The following MTRR variants were observed in gnomAD, a reference collection of about 807,000 sequenced individuals.
MTRR encodes 5-methyltetrahydrofolate-homocysteine methyltransferase reductase.
MTRR carries 63 observed loss-of-function variants against 79.2 expected under a neutral mutation model. That is an observed-to-expected ratio of 0.80 (90% CI 0.65 to 0.98). The LOEUF is 0.98. MTRR is among the 50% of genes least tolerant of loss of function. MTRR has a pLI of 0.00. For synonymous variants in MTRR, 355 were observed against 313.3 expected, an observed-to-expected ratio of 1.13 and a Z score of -1.41; for missense variants, 895 against 839.6, an observed-to-expected ratio of 1.07 and a Z score of -0.82.
At chr5:7,854,189 G>A (rs1169049736) in intron 1 of MTRR, among the ~76,000 whole-genome samples, 1 of 151,996 alleles carries the variant, frequency 6.6e-6, no homozygotes, top group African/African-American at 2.4e-5. Context: ...AAAGTTCTGT[G>A]CCGGAGAAGG....
upstream of MTRR, chr5:7,867,999 G>T (rs1255568329): frequency 2.5e-6 from 4 of 1,613,936 alleles, no homozygotes; most frequent in African/African-American, 5.3e-5. Context: ...TGATTTAGAG[G>T]TTTATTTTTT....
At position 7,883,075 on chromosome 5, in the gene MTRR, G is replaced by A. The variant is rs162035; in HGVS notation, c.781-80G>A. The A allele has an allele frequency of 0.16, 250,205 of 1,594,180 alleles. 24,051 individuals are homozygous for A. Among genetic ancestry groups the A allele is most frequent in the African/African-American group, 0.39 (29,020 of 74,518 alleles). On this transcript the variant is annotated intron_variant, in intron 5 of 14. Transcript: ENST00000440940. ...TAGCCAGGAAGTTTTGTAAGCCCCT[G>A]TGGATCTTGCGTAGTCACTAATTGA...
upstream of MTRR, chr5:7,867,547 CACTAA>C (rs765644382): frequency 4.3e-6 from 7 of 1,614,120 alleles, no homozygotes; most frequent in South Asian, 2.2e-5. Flanking sequence ...GCAAAGCAGT[CACTAA>C]ACTAGTGTTT....
chr5:7,863,061 A>G, intron 2 of MTRR: 1 of 1,428,816 alleles, frequency 7.0e-7, no homozygotes, highest in Non-Finnish European at 9.7e-7. Flanking sequence ...GAATAAATTG[A>G]AGGTTACCTA....
chr5:7,862,717 C>G, intron 2 of MTRR: 1 of 961,924 alleles, frequency 1.0e-6, no homozygotes, highest in Non-Finnish European at 1.6e-6. Context: ...AGGGACCATT[C>G]CATTTTGCAT....
intron 1 of MTRR, among the ~76,000 whole-genome samples, chr5:7,852,054 A>G (rs162023): frequency 0.53 from 80,330 of 151,968 alleles, 21,630 homozygotes; most frequent in Admixed American, 0.61. Context: ...TGAGGCAGAG[A>G]CAATCTTGTG....
chr5:7,865,700 C>T (rs2126608923), upstream of MTRR, among the ~76,000 whole-genome samples: 1 of 152,252 alleles, frequency 6.6e-6, no homozygotes, highest in South Asian at 2.1e-4. Context: ...AAATCTTAAA[C>T]AGCAGGAAAT....
At chr5:7,894,344 C>A (rs1188079255) in intron 11 of MTRR, among the ~76,000 whole-genome samples, 1 of 152,272 alleles carries the variant, frequency 6.6e-6, no homozygotes, top group East Asian at 1.9e-4. Context: ...CACTGATGTT[C>A]AGCCTGGCTG....
chr5:7,886,841 C>G lies in MTRR; in HGVS notation c.1146+138C>G, dbSNP rs143538307. 1.6e-4 allele frequency: 114 copies of G among 711,160 alleles called. 1 individual carries two copies. The highest frequency in any genetic ancestry group is 1.5e-3 in the African/African-American group (83 of 56,422). The allele number at this position is 711,160 out of a possible 1,614,324, so 44.1% of individuals were successfully genotyped here. The stretch of plus-strand genomic sequence containing the variant: ...GATAGCATGTTTTTAATATTAGTTC[C>G]CAAGGGTGTGTGCTATCATCGTAAC... On this transcript the variant is annotated intron_variant, in intron 8 of 14. Transcript: ENST00000440940.
At chr5:7,871,308 G>T (rs1004033898) in intron 2 of MTRR, among the ~76,000 whole-genome samples, 1 of 152,186 alleles carries the variant, frequency 6.6e-6, no homozygotes, top group Non-Finnish European at 1.5e-5. Flanking sequence ...TGCCGTGCGT[G>T]TTAGAGTTCC....
chr5:7,873,981 G>A (rs983450861), intron 3 of MTRR, among the ~76,000 whole-genome samples: 3 of 152,178 alleles, frequency 2.0e-5, no homozygotes, highest in Admixed American at 1.3e-4. Flanking sequence ...GGATTAGCTA[G>A]GGGAGTTTTT....
chr5:7,875,767 A>G (rs1008662767), intron 4 of MTRR, among the ~76,000 whole-genome samples: 4 of 152,260 alleles, frequency 2.6e-5, no homozygotes, highest in African/African-American at 7.2e-5. Context: ...CTGGTGAGCC[A>G]CACTTCGCTG....
chr5:7,885,798 A>T lies in MTRR; in HGVS notation c.1001A>T (p.Glu334Val). ...AGCCTACTCCAAAGACTGCAGCTTG[A>T]AGATAAAAGAGAGCACTGCGTCCTT... Reference protein sequence around the residue: ...VQSLLQRLQLEDKREHCVLLK... With the variant: ...VQSLLQRLQLVDKREHCVLLK... The change falls in exon 7 of 15, where the codon GAA (glutamate) becomes GTA (valine). Residue 334 changes from glutamate to valine, a missense_variant. Transcript: ENST00000440940. 1 of 1,614,112 alleles carries T rather than the reference A, an allele frequency of 6.2e-7. No individual in the cohort carries two copies. The highest frequency in any genetic ancestry group is 1.1e-5 in the South Asian group (1 of 91,088).
rs1457983501 is a variant in MTRR, at chr5:7,870,830, G to A, written c.36G>A (p.Gln12=). Residue 12 remains glutamine (Q), a synonymous_variant, in exon 2 of 15, where the codon CAG becomes CAA. Transcript: ENST00000440940. ...RRFLLLYATQ[Q]GQAKAIAEEI... ...TTCTGTTACTATATGCTACACAGCA[G>A]GGACAGGCAAAGGCCATCGCAGAAG... 1 of 1,614,210 alleles carries A rather than the reference G, an allele frequency of 6.2e-7. No homozygotes were observed. The highest frequency in any genetic ancestry group is 1.7e-5 in the Admixed American group (1 of 60,026).
In MTRR at chr5:7,877,836, C is replaced by G. The variant is rs1734836042; in HGVS notation, c.402-108C>G. On this transcript the variant is annotated intron_variant, in intron 4 of 14. Transcript: ENST00000440940. ...ATTCCGAATGGTCTTCATAGTGTTT[C>G]TAACAAGTGCATACTTTGCCAAATG... is the stretch of plus-strand genomic sequence containing the variant. The G allele has an allele frequency of 1.6e-5, 23 of 1,463,814 alleles. No homozygotes were observed. In the Middle Eastern group the frequency reaches 7.2e-4, roughly 46 times the overall value. The allele number at this position is 1,463,814 out of a possible 1,614,324, so 90.7% of individuals were successfully genotyped here.
At chr5:7,850,982 G>A (rs894340540), upstream of MTRR, 2 of 1,301,802 alleles carry the variant, frequency 1.5e-6, no homozygotes. Flanking sequence ...GGCTTGCCCC[G>A]CAGCGTGGAC....
rs779820178 is a variant in MTRR, at chr5:7,891,359, T to A, written c.1328-13T>A. ...TAGTGAATTAATAATTGCTTGTTTTTATTTTTTTCTAGAACATCTTCCTAA... is the reference window on the plus strand; with the variant it reads ...TAGTGAATTAATAATTGCTTGTTTTAATTTTTTTCTAGAACATCTTCCTAA... On this transcript the variant is annotated splice_polypyrimidine_tract_variant and intron_variant, in intron 9 of 14. Transcript: ENST00000440940. 4.4e-6 allele frequency: 7 copies of A among 1,595,128 alleles called. No homozygotes were observed. In the East Asian group the frequency reaches 6.7e-5, roughly 15 times the overall value.
intron 5 of MTRR, among the ~76,000 whole-genome samples, chr5:7,880,021 G>C (rs1358606364): frequency 6.6e-6 from 1 of 152,246 alleles, no homozygotes; most frequent in African/African-American, 2.4e-5. Context: ...CTTCTCTCTA[G>C]AAGTGAGGTA....
chr5:7,853,897 T>G (rs1002450165), intron 1 of MTRR, among the ~76,000 whole-genome samples: 2 of 152,022 alleles, frequency 1.3e-5, no homozygotes, highest in Admixed American at 6.6e-5. Flanking sequence ...GCTTCTTTCA[T>G]GAGGTGAGTC....
Sources: gnomAD v4.1 joint callset for allele counts (sites outside exome capture counted in the v4.1 genomes callset) on GRCh38, gnomAD v4.1.1 for gene constraint, MANE v1.5 for transcripts, NCBI Gene and HGNC (gene_info 2026-07-23, HGNC 2026-07-21) for gene names.